The following ADGRB1 variants were observed in gnomAD, a reference collection of about 807,000 sequenced individuals.
The protein encoded by ADGRB1 is adhesion G protein-coupled receptor B1.
In ADGRB1, 36 loss-of-function variants were observed where a neutral mutation model predicts 175.7. The observed-to-expected ratio is 0.20, with a 90% CI of 0.16 to 0.27. The LOEUF is 0.27. ADGRB1 is among the 10% of genes least tolerant of loss of function. The pLI, the probability that ADGRB1 is intolerant of heterozygous loss-of-function variation, is 1.00. For missense variants in ADGRB1, 1,731 were observed against 2,255.3 expected, an observed-to-expected ratio of 0.77 and a Z score of 4.71; for synonymous variants, 1,054 against 979.4, an observed-to-expected ratio of 1.08 and a Z score of -1.42.
At chr8:142,518,030 G>A (rs1011067800) in intron 18 of ADGRB1, 108 bp from the exon 19 acceptor site, 3 of 1,032,894 alleles carry the variant, frequency 2.9e-6, no homozygotes, top group Admixed American at 2.1e-5. Context: ...TGGGCCAAAC[G>A]CTGGGGGTGT....
chr8:142,479,404 T>C lies in ADGRB1; in HGVS notation c.1643T>C (p.Val548Ala), dbSNP rs761949179. 128 of 1,540,618 alleles carry C rather than the reference T, an allele frequency of 8.3e-5. No homozygotes were observed. Among genetic ancestry groups the C allele is most frequent in the Non-Finnish European group, 1.1e-4 (126 of 1,147,922 alleles). The change falls in exon 8 of 31, where the codon GTC becomes GCC. Residue 548 changes from valine (V) to alanine (A), a missense_variant. This residue lies in a region of ADGRB1 where 388 missense variants were observed against 630.9 expected (regional missense o/e 0.61). Coordinates refer to ENST00000517894, the MANE Select transcript of ADGRB1 (RefSeq NM_001702.3). The part of the protein sequence containing the change: ...CGAGSQRRER[V>A]CSGPFFGGAA... ...GCTGGCAGCCAGCGACGGGAGCGTG[T>C]CTGCTCTGGGCCCTTCTTCGGGGGA...
chr8:142,536,859 GCCT>G, intron 25 of ADGRB1, 125 bp from the exon 26 acceptor site: 1 of 669,494 alleles, frequency 1.5e-6, no homozygotes, highest in Non-Finnish European at 2.4e-6. Context: ...CTGTGGGGAG[GCCT>G]CCTGCTGACC....
At chr8:142,480,671 C>T (rs900536686) in intron 9 of ADGRB1, among the ~76,000 whole-genome samples, 5 of 152,246 alleles carry the variant, frequency 3.3e-5, no homozygotes, top group African/African-American at 9.6e-5. Flanking sequence ...AGTCCTGTGG[C>T]TCTTGTCAGG....
chr8:142,502,070 GATGGGGTT>G (rs1842596294), intron 17 of ADGRB1, among the ~76,000 whole-genome samples: 1 of 133,868 alleles, frequency 7.5e-6, no homozygotes, highest in Non-Finnish European at 1.6e-5. Context: ...TGGGGGTGAT[GATGGGGTT>G]GTGGTAGTAA....
intron 5 of ADGRB1, 50 bp downstream of exon 5, chr8:142,477,328 C>A: frequency 6.3e-7 from 1 of 1,586,126 alleles, no homozygotes. Context: ...CAGCGGGGGG[C>A]CAGGGCAGCG....
At chr8:142,502,411 G>GTGA (rs1842643112) in intron 17 of ADGRB1, among the ~76,000 whole-genome samples, 1 of 140,926 alleles carries the variant, frequency 7.1e-6, no homozygotes, top group Non-Finnish European at 1.5e-5. Flanking sequence ...GGTGGTGGTG[G>GTGA]TGGTGGTGAT....
chr8:142,539,347 C>T (rs1394764803), intron 26 of ADGRB1, 27 bp from the exon 27 acceptor site: 1 of 1,570,662 alleles, frequency 6.4e-7, no homozygotes, highest in Non-Finnish European at 8.6e-7. Flanking sequence ...GAGGCGCTCA[C>T]CCTGCCCTGT....
rs114084934 is a variant in ADGRB1 at position 142,533,337 on chromosome 8, G to A, written c.3441G>A (p.Ala1147=). 3,852 of 1,586,470 alleles carry A rather than the reference G, an allele frequency of 2.4e-3. 74 individuals carry two copies. The African/African-American group carries it at 0.041, about 17-fold the overall frequency. ...CCTGCGTGGTGCTGCCGCTGCTGGC[G>A]CTGACCTGGATGTCGGCTGTGCTCG... is the stretch of plus-strand genomic sequence containing the variant. ...WSSCVVLPLL[A]LTWMSAVLAV... Residue 1147 remains alanine, a synonymous_variant, in exon 25 of 31, where the codon GCG becomes GCA. Coordinates refer to ENST00000517894, the MANE Select transcript of ADGRB1 (RefSeq NM_001702.3).
intron 1 of ADGRB1, among the ~76,000 whole-genome samples, chr8:142,450,354 GA>G (rs1441425123): frequency 6.6e-6 from 1 of 152,046 alleles, no homozygotes; most frequent in Non-Finnish European, 1.5e-5. Flanking sequence ...GCAGGCTGAG[GA>G]GGGGGCGACC....
chr8:142,506,372 G>A (rs931180805), intron 17 of ADGRB1, among the ~76,000 whole-genome samples: 1 of 152,192 alleles, frequency 6.6e-6, no homozygotes, highest in Non-Finnish European at 1.5e-5. Context: ...GGGACCTGCT[G>A]TAGCAAGGCC....
intron 2 of ADGRB1, among the ~76,000 whole-genome samples, chr8:142,465,533 G>A (rs1043801018): frequency 1.4e-4 from 22 of 152,026 alleles, no homozygotes; most frequent in African/African-American, 4.1e-4. Flanking sequence ...GTATGCTCTC[G>A]GTGGATGAAT....
In ADGRB1 at chr8:142,464,337, G is replaced by A. The variant is rs1318061056; in HGVS notation, c.139G>A (p.Val47Met). 31 of 1,507,884 alleles carry A rather than the reference G, an allele frequency of 2.1e-5. No individual in the cohort carries two copies. Among genetic ancestry groups the A allele is most frequent in the Non-Finnish European group, 2.6e-5 (30 of 1,134,044 alleles). The allele number at this position is 1,507,884 out of a possible 1,614,324, so 93.4% of individuals were successfully genotyped here. The change falls in exon 2 of 31, where the codon GTG (valine) becomes ATG (methionine). Residue 47 changes from valine (V) to methionine (M), a missense_variant. Coordinates refer to ENST00000517894, the MANE Select transcript of ADGRB1 (RefSeq NM_001702.3). ...GPGPEPCATLVQGKFFGYFSA... is the reference protein window; with the variant it reads ...GPGPEPCATLMQGKFFGYFSA... ...CGGGCCCGAGCCGTGCGCCACGCTGGTGCAGGGAAAGTTCTTCGGCTACTT... is the reference window on the plus strand; with the variant it reads ...CGGGCCCGAGCCGTGCGCCACGCTGATGCAGGGAAAGTTCTTCGGCTACTT...
chr8:142,488,697 AG>A (rs1841824316), intron 14 of ADGRB1, among the ~76,000 whole-genome samples, 190 bp downstream of exon 14: 1 of 152,164 alleles, frequency 6.6e-6, no homozygotes, highest in Admixed American at 6.5e-5. Flanking sequence ...AGGCCCAGGC[AG>A]AGGGGTCAAG....
At position 142,474,327 on chromosome 8, in the gene ADGRB1, C is replaced by A. The variant is rs556544992; in HGVS notation, c.785-1147C>A. Among the ~76,000 whole-genome samples, 5 of 152,168 alleles carry A rather than the reference C, an allele frequency of 3.3e-5. No individual in the cohort carries two copies. The highest frequency in any genetic ancestry group is 7.4e-5 in the Non-Finnish European group (5 of 68,008). ...TGTTCCCCAGTGGCAGCGGCCCCAGCTCCATGGTGGGTCCCCTCGTGGTGG... is the reference window on the plus strand; with the variant it reads ...TGTTCCCCAGTGGCAGCGGCCCCAGATCCATGGTGGGTCCCCTCGTGGTGG... On this transcript the variant is annotated intron_variant, in intron 2 of 30. Transcript: ENST00000517894. This position sits in a 1 kb window ranked among gnomAD's most constrained non-coding sequence, Gnocchi z 5.8.
At chr8:142,508,746 G>A (rs565766702) in intron 17 of ADGRB1, among the ~76,000 whole-genome samples, 7 of 152,364 alleles carry the variant, frequency 4.6e-5, no homozygotes, top group Non-Finnish European at 7.3e-5. Context: ...GAGCCTGACC[G>A]TGCTGCAGGG....
rs1050962426 is a variant in ADGRB1 at position 142,479,769 on chromosome 8, T to C, written c.1803T>C (p.Ala601=). 3 of 1,612,336 alleles carry C rather than the reference T, an allele frequency of 1.9e-6. No individual in the cohort carries two copies. Among genetic ancestry groups the C allele is most frequent in the East Asian group, 2.2e-5 (1 of 44,790 alleles). The part of the protein sequence containing the change: ...WKETPAGEVA[A]VRCPRNATGL... ...AGACCCCAGCGGGAGAGGTGGCTGC[T>C]GTCCGGTGTCCCCGCAACGCCACAG... The change falls in exon 9 of 31, where the codon GCT becomes GCC. Residue 601 remains alanine, a synonymous_variant. Coordinates refer to ENST00000517894, the MANE Select transcript of ADGRB1 (RefSeq NM_001702.3).
chr8:142,533,578 C>A, intron 25 of ADGRB1, 112 bp downstream of exon 25: 1 of 1,292,872 alleles, frequency 7.7e-7, no homozygotes, highest in Non-Finnish European at 1.0e-6. Flanking sequence ...GGCGCAGCAT[C>A]CATGACCCTG....
intron 17 of ADGRB1, among the ~76,000 whole-genome samples, chr8:142,494,963 G>A (rs769136362): frequency 6.6e-6 from 1 of 152,154 alleles, no homozygotes; most frequent in Non-Finnish European, 1.5e-5. Context: ...ATAGTTCCTT[G>A]ACCACAGGTG....
At chr8:142,499,198 C>T (rs1200423956) in intron 17 of ADGRB1, among the ~76,000 whole-genome samples, 3 of 152,196 alleles carry the variant, frequency 2.0e-5, no homozygotes, top group East Asian at 1.9e-4. Context: ...TCCTCACTGG[C>T]GGGGAGGCTG....
Sources: allele counts gnomAD v4.1 joint callset (sites outside exome capture counted in the v4.1 genomes callset), GRCh38; gene constraint gnomAD v4.1.1; regional missense constraint gnomAD v4.1.1; non-coding constraint Gnocchi (gnomAD v3.1); transcripts MANE v1.5; gene names NCBI Gene and HGNC (gene_info 2026-07-23, HGNC 2026-07-21).